PHF21A: variants seen among roughly 807,000 people sequenced by gnomAD.
PHF21A encodes BHC80a.
In PHF21A, 11 loss-of-function variants were observed where a neutral mutation model predicts 82.5. That is an observed-to-expected ratio of 0.13 (90% CI 0.08 to 0.22). PHF21A has a LOEUF of 0.22. Ranked by LOEUF, PHF21A falls within the 10% of genes least tolerant of loss-of-function variation. The probability of loss-of-function intolerance (pLI) is 1.00; values close to 1 mark genes in which losing one functional copy is unlikely to be tolerated. For missense variants in PHF21A, 579 were observed against 837.8 expected, an observed-to-expected ratio of 0.69 and a Z score of 3.81; for synonymous variants, 297 against 302.8, an observed-to-expected ratio of 0.98 and a Z score of 0.20.
At chr11:45,936,594 C>G (rs1199319675) in intron 16 of PHF21A, 25 bp from the exon 17 acceptor site, 1 of 1,530,364 alleles carries the variant, frequency 6.5e-7, no homozygotes, top group African/African-American at 1.4e-5. Flanking sequence ...AGAATTTTAC[C>G]TTGAGAAGGA....
chr11:45,942,409 C>T (rs1187994536), intron 15 of PHF21A, among the ~76,000 whole-genome samples: 1 of 152,186 alleles, frequency 6.6e-6, no homozygotes, highest in African/African-American at 2.4e-5. Context: ...TTGTGTACCA[C>T]CCTAGAGGGA....
chr11:46,039,747 G>T (rs538928138), intron 6 of PHF21A, among the ~76,000 whole-genome samples: 4 of 152,160 alleles, frequency 2.6e-5, no homozygotes, highest in Non-Finnish European at 4.4e-5. Flanking sequence ...TAAAATTACA[G>T]ATCACTATCA....
intron 5 of PHF21A, 139 bp from the exon 6 acceptor site, chr11:46,076,958 C>T (rs757509961): frequency 3.1e-6 from 2 of 641,292 alleles, no homozygotes; most frequent in Non-Finnish European, 5.6e-6. Flanking sequence ...ATGCATTACA[C>T]TGTGGCCATA....
intron 10 of PHF21A, among the ~76,000 whole-genome samples, chr11:45,955,303 CA>C (rs2092550045): frequency 6.6e-6 from 1 of 152,164 alleles, no homozygotes; most frequent in African/African-American, 2.4e-5. Flanking sequence ...CACACACACA[CA>C]CACACTTTTT....
chr11:45,987,639 TGACAG>T (rs1254228393), intron 6 of PHF21A, among the ~76,000 whole-genome samples: 1 of 110,038 alleles, frequency 9.1e-6, no homozygotes, highest in Non-Finnish European at 1.7e-5. Context: ...CCAGCCTGGG[TGACAG>T]AGCAAGACCC....
chr11:45,964,131 G>A (rs1280799816), intron 10 of PHF21A, among the ~76,000 whole-genome samples: 1 of 151,148 alleles, frequency 6.6e-6, no homozygotes, highest in East Asian at 1.9e-4. Flanking sequence ...CTGGGAGGCG[G>A]AGGTTGCAGT....
intron 18 of PHF21A, 129 bp downstream of exon 18, chr11:45,935,507 C>T: frequency 1.4e-6 from 1 of 693,604 alleles, no homozygotes; most frequent in Admixed American, 2.6e-5. Context: ...TGCATTTGCC[C>T]AAGTTAATCA....
At chr11:45,949,287 C>CT in intron 13 of PHF21A, 115 bp downstream of exon 13, 1 of 847,602 alleles carries the variant, frequency 1.2e-6, no homozygotes, top group Non-Finnish European at 2.0e-6. Context: ...CTTCACAGAA[C>CT]TGGCCAAGTA....
intron 14 of PHF21A, chr11:45,946,212 A>C: frequency 9.1e-7 from 1 of 1,104,396 alleles, no homozygotes; most frequent in Non-Finnish European, 1.4e-6. Context: ...GACTCTCAAG[A>C]GAAGGGAGGA....
intron 6 of PHF21A, among the ~76,000 whole-genome samples, chr11:46,033,696 A>G (rs1198761084): frequency 6.6e-6 from 1 of 152,240 alleles, no homozygotes; most frequent in Non-Finnish European, 1.5e-5. Context: ...GCTATTGAGC[A>G]CTTAAAATAT....
At chr11:45,996,645 AC>A (rs1204008967) in intron 6 of PHF21A, among the ~76,000 whole-genome samples, 1 of 152,254 alleles carries the variant, frequency 6.6e-6, no homozygotes, top group Non-Finnish European at 1.5e-5. Flanking sequence ...GGCTAGGTGT[AC>A]ATGCTTGAGC....
At chr11:46,106,289 AATCT>A (rs1261220067) in intron 1 of PHF21A, among the ~76,000 whole-genome samples, 3 of 152,318 alleles carry the variant, frequency 2.0e-5, no homozygotes, top group Admixed American at 6.5e-5. Context: ...TGGCATTCCT[AATCT>A]ATCTCCCCTG....
intron 1 of PHF21A, among the ~76,000 whole-genome samples, chr11:46,112,327 G>A (rs1056696955): frequency 6.6e-6 from 1 of 152,174 alleles, no homozygotes; most frequent in Non-Finnish European, 1.5e-5. Context: ...AAAATGTGAA[G>A]CGTGCTATTT....
At chr11:45,939,265 A>G (rs2089864602) in intron 15 of PHF21A, among the ~76,000 whole-genome samples, 1 of 152,230 alleles carries the variant, frequency 6.6e-6, no homozygotes. Context: ...TCTTACAGGT[A>G]CGGAAATCCA....
chr11:45,954,844 G>T (rs1289973550), intron 10 of PHF21A, among the ~76,000 whole-genome samples: 1 of 152,022 alleles, frequency 6.6e-6, no homozygotes, highest in Non-Finnish European at 1.5e-5. Context: ...GATGGGCAGG[G>T]GCTACATGAG....
chr11:46,059,764 T>C (rs143414540), intron 6 of PHF21A, among the ~76,000 whole-genome samples: 1 of 152,258 alleles, frequency 6.6e-6, no homozygotes, highest in African/African-American at 2.4e-5. Context: ...TCTCACTCTG[T>C]TGCCCAGGCT....
At chr11:46,067,789 T>G (rs2096611685) in intron 6 of PHF21A, among the ~76,000 whole-genome samples, 1 of 152,154 alleles carries the variant, frequency 6.6e-6, no homozygotes, top group South Asian at 2.1e-4. Context: ...ACACAGTCCT[T>G]GCCTGTGAGG....
At chr11:45,935,350 C>CA in intron 18 of PHF21A, 14 of 927,872 alleles carry the variant, frequency 1.5e-5, no homozygotes, top group Admixed American at 2.2e-5. Flanking sequence ...GCCATGGCTA[C>CA]ACTGTTGTAG....
At chr11:45,958,447 T>C (rs59967985) in intron 10 of PHF21A, among the ~76,000 whole-genome samples, 833 of 21,368 alleles carry the variant, frequency 0.039, 36 homozygotes, top group African/African-American at 0.048. Context: ...TATATATATA[T>C]ATACACACAC....
Sources: gnomAD v4.1 joint callset for allele counts (sites outside exome capture counted in the v4.1 genomes callset) on GRCh38, gnomAD v4.1.1 for gene constraint, MANE v1.5 for transcripts, NCBI Gene and HGNC (gene_info 2026-07-23, HGNC 2026-07-21) for gene names.